The following B3GLCT variants were observed in gnomAD, a reference collection of about 807,000 sequenced individuals.
B3GLCT encodes the protein beta 3-glucosyltransferase.
Under a neutral mutation model 63.4 loss-of-function variants are expected in B3GLCT, and 65 were observed. The ratio of observed to expected loss-of-function variants is 1.03; its 90% CI spans 0.84 to 1.26. The LOEUF is 1.26. Ranked by LOEUF, B3GLCT falls within the 50% of genes most tolerant of loss-of-function variation. The pLI is 0.00. For missense variants in B3GLCT, 577 were observed against 604.8 expected, an observed-to-expected ratio of 0.95 and a Z score of 0.48; for synonymous variants, 233 against 219.2, an observed-to-expected ratio of 1.06 and a Z score of -0.55.
intron 1 of B3GLCT, among the ~76,000 whole-genome samples, chr13:31,200,430 C>T (rs1593239115): frequency 6.7e-6 from 1 of 150,190 alleles, no homozygotes; most frequent in East Asian, 1.9e-4. Context: ...CTCGCGTCTC[C>T]CAGCCTCTGC....
intron 2 of B3GLCT, among the ~76,000 whole-genome samples, chr13:31,222,739 A>C (rs780306619): frequency 6.6e-6 from 1 of 152,214 alleles, no homozygotes; most frequent in Non-Finnish European, 1.5e-5. Flanking sequence ...CACAGCCCCA[A>C]CTAAGAAGTC....
At chr13:31,314,627 A>G (rs2095254586) in intron 12 of B3GLCT, among the ~76,000 whole-genome samples, 1 of 152,178 alleles carries the variant, frequency 6.6e-6, no homozygotes, top group African/African-American at 2.4e-5. Context: ...TTACAGGCTC[A>G]TAGGTGGAAG....
chr13:31,275,902 T>C (rs992380592), intron 9 of B3GLCT, among the ~76,000 whole-genome samples: 2 of 152,176 alleles, frequency 1.3e-5, no homozygotes, highest in Non-Finnish European at 2.9e-5. Context: ...AATGCTTGCT[T>C]GCTCTTTCAG....
At chr13:31,308,592 G>A (rs1272830247) in intron 12 of B3GLCT, among the ~76,000 whole-genome samples, 1 of 152,072 alleles carries the variant, frequency 6.6e-6, no homozygotes. Context: ...TGAGTTGTGG[G>A]TCCTGCATCA....
chr13:31,232,025 A>T (rs921643747), intron 4 of B3GLCT, among the ~76,000 whole-genome samples: 3 of 152,180 alleles, frequency 2.0e-5, no homozygotes, highest in African/African-American at 7.2e-5. Flanking sequence ...GCAAGATGGT[A>T]GGCAGCTGAG....
intron 4 of B3GLCT, among the ~76,000 whole-genome samples, chr13:31,246,015 T>G (rs117652905): frequency 0.044 from 6,747 of 152,298 alleles, 161 homozygotes; most frequent in Non-Finnish European, 0.051. Context: ...ACTTGAAATT[T>G]AATTCCAAAG....
chr13:31,273,514 T>C (rs1593289397), intron 8 of B3GLCT, among the ~76,000 whole-genome samples: 1 of 152,182 alleles, frequency 6.6e-6, no homozygotes, highest in South Asian at 2.1e-4. Flanking sequence ...TTTTATAATC[T>C]GTTTGATAAT....
intron 13 of B3GLCT, among the ~76,000 whole-genome samples, chr13:31,318,963 C>T (rs780894179): frequency 6.6e-6 from 1 of 152,128 alleles, no homozygotes; most frequent in African/African-American, 2.4e-5. Flanking sequence ...CCAAGACTGG[C>T]ACTCAAGGCC....
At chr13:31,228,970 A>G (rs1349090516) in intron 3 of B3GLCT, among the ~76,000 whole-genome samples, 3 of 152,234 alleles carry the variant, frequency 2.0e-5, no homozygotes, top group Non-Finnish European at 2.9e-5. Context: ...TGGTACAGTC[A>G]GCTTATTTAC....
At chr13:31,296,162 A>G (rs543195532) in intron 12 of B3GLCT, among the ~76,000 whole-genome samples, 23 of 152,288 alleles carry the variant, frequency 1.5e-4, no homozygotes, top group East Asian at 5.8e-4. Context: ...ACCAGTCCCA[A>G]TGAGATGCAC....
chr13:31,319,318 A>T (rs1875210814), intron 13 of B3GLCT, among the ~76,000 whole-genome samples: 2 of 151,754 alleles, frequency 1.3e-5, no homozygotes, highest in Non-Finnish European at 2.9e-5. Context: ...TCTCCTTCCT[A>T]CCCTGCGGAA....
chr13:31,296,267 C>G (rs1365918107), intron 12 of B3GLCT, among the ~76,000 whole-genome samples: 3 of 152,160 alleles, frequency 2.0e-5, no homozygotes, highest in Admixed American at 6.5e-5. Context: ...GGCCATCTTG[C>G]CAGCCATCTC....
At chr13:31,246,119 T>C (rs1871184381) in intron 4 of B3GLCT, among the ~76,000 whole-genome samples, 1 of 152,226 alleles carries the variant, frequency 6.6e-6, no homozygotes, top group South Asian at 2.1e-4. Context: ...ATGTTTCAGA[T>C]ACTTAGGTAC....
chr13:31,319,059 G>T (rs1370762489), intron 13 of B3GLCT, among the ~76,000 whole-genome samples: 1 of 152,076 alleles, frequency 6.6e-6, no homozygotes, highest in Non-Finnish European at 1.5e-5. Context: ...GGCCTTGTGT[G>T]GGCCAGGCAC....
intron 8 of B3GLCT, among the ~76,000 whole-genome samples, chr13:31,269,992 G>A (rs1173884006): frequency 6.6e-6 from 1 of 152,182 alleles, no homozygotes; most frequent in Non-Finnish European, 1.5e-5. Flanking sequence ...CCTTTGTTGT[G>A]TGTCTGTGCT....
intron 4 of B3GLCT, among the ~76,000 whole-genome samples, chr13:31,230,600 G>A (rs944157836): frequency 1.3e-5 from 2 of 152,226 alleles, no homozygotes; most frequent in African/African-American, 4.8e-5. Context: ...TGCAAGGCCA[G>A]GTTCTCTGGG....
At chr13:31,278,507 A>G (rs978195331) in intron 10 of B3GLCT, among the ~76,000 whole-genome samples, 2 of 152,198 alleles carry the variant, frequency 1.3e-5, no homozygotes, top group Non-Finnish European at 2.9e-5. Flanking sequence ...TGAATCTGGG[A>G]TCATTAAAGC....
At chr13:31,308,362 A>AAAAAAAAAAAAAAAAAAAAC (rs61561180) in intron 12 of B3GLCT, among the ~76,000 whole-genome samples, 1 of 61,878 alleles carries the variant, frequency 1.6e-5, no homozygotes, top group Non-Finnish European at 3.6e-5. Flanking sequence ...AAAAAAAAAC[A>AAAAAAAAAAAAAAAAAAAAC]AAAAAAAAAG....
At chr13:31,250,238 G>A (rs943617907) in intron 6 of B3GLCT, among the ~76,000 whole-genome samples, 8 of 152,098 alleles carry the variant, frequency 5.3e-5, no homozygotes, top group African/African-American at 7.2e-5. Flanking sequence ...CAGTGGTGCA[G>A]TCTTGGCTCA....
Sources: gnomAD v4.1 joint callset for allele counts (sites outside exome capture counted in the v4.1 genomes callset) on GRCh38, gnomAD v4.1.1 for gene constraint, MANE v1.5 for transcripts, NCBI Gene and HGNC (gene_info 2026-07-23, HGNC 2026-07-21) for gene names.